The following ELFN2 variants were observed in gnomAD, a reference collection of about 807,000 sequenced individuals.
ELFN2 encodes the protein protein phosphatase 1 regulatory subunit 29.
In ELFN2, 17 loss-of-function variants were observed where a neutral mutation model predicts 45.5. The observed-to-expected ratio is 0.37, with a 90% CI of 0.26 to 0.56. The LOEUF is 0.56. ELFN2 is among the 20% of genes least tolerant of loss of function. The probability of loss-of-function intolerance (pLI) is 0.77; values close to 1 mark genes in which losing one functional copy is unlikely to be tolerated. For missense variants in ELFN2, 922 were observed against 1,183.2 expected, an observed-to-expected ratio of 0.78 and a Z score of 3.24; for synonymous variants, 550 against 551.5, an observed-to-expected ratio of 1.00 and a Z score of 0.04.
chr22:37,358,068 C>G (rs1190328390), intron 1 of ELFN2, among the ~76,000 whole-genome samples: 1 of 152,150 alleles, frequency 6.6e-6, no homozygotes, highest in Non-Finnish European at 1.5e-5. Context: ...CCTGGCGGGT[C>G]AACCTCCCTC....
intron 2 of ELFN2, among the ~76,000 whole-genome samples, chr22:37,399,853 G>A (rs575428415): frequency 2.5e-4 from 38 of 152,272 alleles, no homozygotes; most frequent in African/African-American, 8.2e-4. Context: ...CGCCATGGCC[G>A]CCTTGCTCCT....
intron 2 of ELFN2, among the ~76,000 whole-genome samples, chr22:37,401,384 G>A (rs1239273455): frequency 6.6e-6 from 1 of 152,126 alleles, no homozygotes; most frequent in African/African-American, 2.4e-5. Flanking sequence ...CAGCTCTTAG[G>A]CAGCAAAGCT....
At chr22:37,390,457 C>G (rs985293325) in intron 2 of ELFN2, among the ~76,000 whole-genome samples, 2 of 152,208 alleles carry the variant, frequency 1.3e-5, no homozygotes, top group Non-Finnish European at 2.9e-5. Context: ...CAAACCTTAC[C>G]CAGGCTGGCA....
At chr22:37,382,564 A>ATTTTT (rs1569135120) in intron 2 of ELFN2, among the ~76,000 whole-genome samples, 1 of 128,276 alleles carries the variant, frequency 7.8e-6, no homozygotes, top group Admixed American at 8.0e-5. Context: ...TTTTTTTTTA[A>ATTTTT]AAACAGACTC....
At position 37,375,781 on chromosome 22, in the gene ELFN2, T is replaced by C. The variant is rs926768034; in HGVS notation, c.-247A>G. On this transcript the variant is annotated 5_prime_UTR_variant, in exon 3 of 3. Coordinates refer to ENST00000402918, the MANE Select transcript of ELFN2 (RefSeq NM_052906.5). ...CACAGCCTGCTCCCCACCGCAGCGT[T>C]GCTCCTTGTCTCCTGCTAGGAAGGT... 10 of 559,752 alleles carry C rather than the reference T, an allele frequency of 1.8e-5. No individual in the cohort carries two copies. The highest frequency in any genetic ancestry group is 1.4e-4 in the African/African-American group (7 of 50,092). The allele number at this position is 559,752 out of a possible 1,614,324, so 34.7% of individuals were successfully genotyped here.
chr22:37,360,502 T>C (rs1467037072), intron 1 of ELFN2, among the ~76,000 whole-genome samples: 2 of 152,170 alleles, frequency 1.3e-5, no homozygotes, highest in Non-Finnish European at 2.9e-5. Flanking sequence ...GGGTGACTCG[T>C]CCCTCAGTGA....
At chr22:37,384,434 A>G (rs1032644189) in intron 2 of ELFN2, among the ~76,000 whole-genome samples, 7 of 149,630 alleles carry the variant, frequency 4.7e-5, no homozygotes, top group South Asian at 2.2e-4. Flanking sequence ...TCTCTCCCCA[A>G]CCTGGCCTTT....
intron 1 of ELFN2, among the ~76,000 whole-genome samples, chr22:37,351,045 G>T (rs1463507380): frequency 6.7e-6 from 1 of 150,194 alleles, no homozygotes; most frequent in Non-Finnish European, 1.5e-5. Context: ...TAAATGAGGG[G>T]TGCCATTTCT....
intron 2 of ELFN2, among the ~76,000 whole-genome samples, chr22:37,403,091 C>T (rs1313699273): frequency 6.6e-6 from 1 of 152,098 alleles, no homozygotes; most frequent in Non-Finnish European, 1.5e-5. Flanking sequence ...CCAGCTACAT[C>T]TTCCCCAACA....
At chr22:37,383,069 C>T (rs534589880) in intron 2 of ELFN2, among the ~76,000 whole-genome samples, 1 of 152,206 alleles carries the variant, frequency 6.6e-6, no homozygotes, top group Non-Finnish European at 1.5e-5. Flanking sequence ...GCTCTTCCTT[C>T]GCTGTGGTGT....
At chr22:37,390,002 C>A (rs766284090) in intron 2 of ELFN2, among the ~76,000 whole-genome samples, 3 of 152,154 alleles carry the variant, frequency 2.0e-5, no homozygotes, top group Admixed American at 2.0e-4. Context: ...AAGGAGCCCA[C>A]GGGCCCTGGG....
Position 37,374,917 on chromosome 22 carries a change from G to A in ELFN2, c.618C>T (p.Val206=). ...FLAWLVVFNN[V]TKNYDRLQCE... Reference sequence around the variant, plus strand: ...ACTGCAGGCGGTCGTAGTTCTTGGTGACGTTGTTGAAGACCACCAGCCAGG... The same window carrying A: ...ACTGCAGGCGGTCGTAGTTCTTGGTAACGTTGTTGAAGACCACCAGCCAGG... The change falls in exon 3 of 3, where the codon GTC becomes GTT. Residue 206 remains valine (V), a synonymous_variant. Transcript: ENST00000402918. 1 of 1,612,626 alleles carries A rather than the reference G, an allele frequency of 6.2e-7. No individual in the cohort carries two copies. Among genetic ancestry groups the A allele is most frequent in the South Asian group, 1.1e-5 (1 of 91,082 alleles).
chr22:37,398,583 G>A (rs893808339), intron 2 of ELFN2, among the ~76,000 whole-genome samples: 5 of 150,752 alleles, frequency 3.3e-5, no homozygotes, highest in East Asian at 2.0e-4. Flanking sequence ...GAAGCCTCCC[G>A]CAGCGCACTC....
At chr22:37,365,161 C>T (rs1931175806), downstream of ELFN2, among the ~76,000 whole-genome samples, 1 of 152,156 alleles carries the variant, frequency 6.6e-6, no homozygotes, top group African/African-American at 2.4e-5. Flanking sequence ...GGAACCCTGC[C>T]TTCAGAGACT....
At chr22:37,381,443 C>G (rs1006601792) in intron 2 of ELFN2, among the ~76,000 whole-genome samples, 1 of 152,120 alleles carries the variant, frequency 6.6e-6, no homozygotes, top group African/African-American at 2.4e-5. Flanking sequence ...GCACACTCCC[C>G]ACCCCAGGAC....
Position 37,373,741 on chromosome 22 carries a change from C to A in ELFN2, c.1794G>T (p.Arg598=). The A allele has an allele frequency of 2.6e-6, 4 of 1,563,908 alleles. No homozygotes were observed. The highest frequency in any genetic ancestry group is 3.4e-6 in the Non-Finnish European group (4 of 1,162,362). Residue 598 remains arginine (R), a synonymous_variant, in exon 3 of 3, where the codon CGG becomes CGT. Coordinates refer to ENST00000402918, the MANE Select transcript of ELFN2 (RefSeq NM_052906.5). ...SSATGPGALE[R]PSFLSPPYKE... Reference sequence around the variant, plus strand: ...TGTAGGGAGGCGAAAGGAAGCTGGGCCGCTCCAGGGCCCCGGGGCCAGTGG... The same window carrying A: ...TGTAGGGAGGCGAAAGGAAGCTGGGACGCTCCAGGGCCCCGGGGCCAGTGG...
intron 2 of ELFN2, among the ~76,000 whole-genome samples, chr22:37,381,714 GT>G (rs1337447709): frequency 2.0e-5 from 3 of 152,154 alleles, no homozygotes; most frequent in Admixed American, 6.5e-5. Context: ...GTTCACTGCT[GT>G]AACCCCCATG....
chr22:37,365,597 T>G (rs1931185254), downstream of ELFN2, among the ~76,000 whole-genome samples: 1 of 152,182 alleles, frequency 6.6e-6, no homozygotes. Flanking sequence ...TACCAGCAGT[T>G]TAGCCCTTGG....
In ELFN2 at chr22:37,373,164, C is replaced by T. The variant is rs749366380; in HGVS notation, c.2371G>A (p.Ala791Thr). The stretch of plus-strand genomic sequence containing the variant: ...GCGAACTGGACCTTCTTGCGCAGGG[C>T]GTGACCGGCGGCCATGTACACCTCC... Reference protein sequence around the residue: ...REEVYMAAGHALRKKVQFAKD... With the variant: ...REEVYMAAGHTLRKKVQFAKD... The change falls in exon 3 of 3, where the codon GCC (alanine) becomes ACC (threonine). Residue 791 changes from alanine to threonine, a missense_variant. By Grantham distance (58) the Ala-to-Thr change is moderately conservative. Around this residue, in one of 2 missense-constraint regions of ELFN2, gnomAD observed 564 missense variants for 642.8 expected, o/e 0.88. Coordinates refer to ENST00000402918, the MANE Select transcript of ELFN2 (RefSeq NM_052906.5). 5 of 1,613,778 alleles carry T rather than the reference C, an allele frequency of 3.1e-6. No homozygotes were observed. Among genetic ancestry groups the T allele is most frequent in the Admixed American group, 1.7e-5 (1 of 60,018 alleles).
Sources: allele counts gnomAD v4.1 joint callset (sites outside exome capture counted in the v4.1 genomes callset), GRCh38; gene constraint gnomAD v4.1.1; regional missense constraint gnomAD v4.1.1; transcripts MANE v1.5; gene names NCBI Gene and HGNC (gene_info 2026-07-23, HGNC 2026-07-21).